The following PTPN11 variants were observed in gnomAD, a reference collection of about 807,000 sequenced individuals.
The protein encoded by PTPN11 is tyrosine-protein phosphatase non-receptor type 11.
Under a neutral mutation model 78.8 loss-of-function variants are expected in PTPN11, and 6 were observed. The ratio of observed to expected loss-of-function variants is 0.08; its 90% CI spans 0.04 to 0.15. The LOEUF (loss-of-function observed/expected upper bound fraction) is 0.15, where lower values mean the gene tolerates loss of function less well. Among genes scored for constraint, PTPN11 ranks in the 10% least tolerant of loss-of-function variants. The pLI is 1.00. For synonymous variants in PTPN11, 221 were observed against 263.5 expected (o/e 0.84, Z 1.56); for missense variants, 386 against 744.8 (o/e 0.52, Z 5.61).
At chr12:112,477,321 T>C (rs1264703283) in intron 7 of PTPN11, among the ~76,000 whole-genome samples, 2 of 152,158 alleles carry the variant, frequency 1.3e-5, no homozygotes, top group African/African-American at 4.8e-5. Context: ...CAAAATTTCT[T>C]GGTTTGAAAT....
At chr12:112,484,135 C>T (rs79000667) in intron 10 of PTPN11, among the ~76,000 whole-genome samples, 19 of 151,966 alleles carry the variant, frequency 1.3e-4, no homozygotes, top group East Asian at 1.2e-3. Context: ...CCTATCCTCT[C>T]GGAAGCTTGA....
intron 14 of PTPN11, among the ~76,000 whole-genome samples, chr12:112,502,983 C>T (rs1183571871): frequency 6.6e-6 from 1 of 152,164 alleles, no homozygotes; most frequent in Non-Finnish European, 1.5e-5. Flanking sequence ...CCATGTTCTG[C>T]TCATTTGCCA....
chr12:112,452,655 A>G (rs907127152), intron 3 of PTPN11, among the ~76,000 whole-genome samples: 5 of 152,008 alleles, frequency 3.3e-5, no homozygotes, highest in African/African-American at 4.8e-5. Flanking sequence ...GGCCTTGTGT[A>G]TAGCTGGGAT....
intron 13 of PTPN11, among the ~76,000 whole-genome samples, chr12:112,494,457 C>T (rs1486827544): frequency 6.6e-6 from 1 of 151,494 alleles, no homozygotes; most frequent in African/African-American, 2.4e-5. Context: ...AGAATGGGCA[C>T]CTTACTACTA....
At chr12:112,481,193 C>T (rs2038590186) in intron 9 of PTPN11, among the ~76,000 whole-genome samples, 1 of 152,146 alleles carries the variant, frequency 6.6e-6, no homozygotes, top group South Asian at 2.1e-4. Flanking sequence ...GCACAGAGTC[C>T]TCCTACACTG....
intron 1 of PTPN11, among the ~76,000 whole-genome samples, chr12:112,436,055 T>A (rs983340064): frequency 2.0e-5 from 3 of 151,860 alleles, no homozygotes; most frequent in Non-Finnish European, 4.4e-5. Context: ...GAAAAAAAAA[T>A]TCAGTTGTGT....
intron 3 of PTPN11, among the ~76,000 whole-genome samples, chr12:112,451,938 C>T (rs991228743): frequency 8.5e-5 from 13 of 152,082 alleles, no homozygotes; most frequent in African/African-American, 2.4e-4. Context: ...TCAAGTGACG[C>T]GATCTCGGCT....
intron 6 of PTPN11, among the ~76,000 whole-genome samples, chr12:112,459,034 A>C (rs1388434154): frequency 3.0e-5 from 2 of 66,062 alleles, no homozygotes; most frequent in Non-Finnish European, 4.6e-5. Context: ...ACCTGTCCCA[A>C]AAAAAAAAAA....
chr12:112,436,776 C>T (rs976910161), intron 1 of PTPN11, among the ~76,000 whole-genome samples: 23 of 151,376 alleles, frequency 1.5e-4, no homozygotes, highest in African/African-American at 3.4e-4. Context: ...GTAAGTTGTC[C>T]GCCTCTGAAT....
intron 6 of PTPN11, among the ~76,000 whole-genome samples, chr12:112,459,358 T>A (rs1207021003): frequency 6.6e-6 from 1 of 152,052 alleles, no homozygotes; most frequent in African/African-American, 2.4e-5. Flanking sequence ...CATTAACAAC[T>A]GTTGATAATA....
chr12:112,430,476 T>A (rs2037695645), intron 1 of PTPN11, among the ~76,000 whole-genome samples: 1 of 152,176 alleles, frequency 6.6e-6, no homozygotes, highest in South Asian at 2.1e-4. Context: ...TCACCCAGGC[T>A]GGAGTGTAAT....
intron 13 of PTPN11, among the ~76,000 whole-genome samples, chr12:112,498,992 T>G (rs1335970155): frequency 6.6e-6 from 1 of 152,240 alleles, no homozygotes; most frequent in Non-Finnish European, 1.5e-5. Flanking sequence ...TGTAATCACT[T>G]TATGTATTAA....
chr12:112,492,604 A>G (rs888369584), intron 13 of PTPN11, among the ~76,000 whole-genome samples: 37 of 149,138 alleles, frequency 2.5e-4, no homozygotes, highest in African/African-American at 8.4e-4. Flanking sequence ...TGCAAGCTCC[A>G]CCTCCCGGGT....
chr12:112,452,262 C>T (rs2038089589), intron 3 of PTPN11, among the ~76,000 whole-genome samples: 2 of 148,832 alleles, frequency 1.3e-5, no homozygotes, highest in South Asian at 2.1e-4. Context: ...GAGTTTCGCT[C>T]GTCACCCAGG....
chr12:112,469,770 C>T (rs1162927414), intron 6 of PTPN11, among the ~76,000 whole-genome samples: 1 of 152,170 alleles, frequency 6.6e-6, no homozygotes, highest in African/African-American at 2.4e-5. Context: ...CCACCTTGGC[C>T]TCCCAAAGTG....
intron 1 of PTPN11, among the ~76,000 whole-genome samples, chr12:112,441,069 A>G (rs1009175380): frequency 6.9e-6 from 1 of 144,974 alleles, no homozygotes; most frequent in African/African-American, 2.6e-5. Flanking sequence ...GGTTCAAGCG[A>G]TTCTTCTGCC....
At chr12:112,492,734 G>A (rs888444873) in intron 13 of PTPN11, among the ~76,000 whole-genome samples, 4 of 151,988 alleles carry the variant, frequency 2.6e-5, no homozygotes, top group African/African-American at 9.7e-5. Context: ...AGCCAGGATG[G>A]TCTTGATCTC....
intron 13 of PTPN11, among the ~76,000 whole-genome samples, chr12:112,495,318 C>T (rs766290956): frequency 7.9e-5 from 12 of 152,222 alleles, no homozygotes; most frequent in Non-Finnish European, 1.5e-4. Flanking sequence ...CTGTAGTCTT[C>T]TCCAATCTGC....
intron 1 of PTPN11, among the ~76,000 whole-genome samples, chr12:112,445,188 G>T (rs1217853302): frequency 6.6e-6 from 1 of 152,060 alleles, no homozygotes; most frequent in Non-Finnish European, 1.5e-5. Context: ...CTGGAGTACA[G>T]TGGCACGATC....
Sources: gnomAD v4.1 joint callset for allele counts (sites outside exome capture counted in the v4.1 genomes callset) on GRCh38, gnomAD v4.1.1 for gene constraint, MANE v1.5 for transcripts, NCBI Gene and HGNC (gene_info 2026-07-23, HGNC 2026-07-21) for gene names.